The following TNS1 variants were observed in gnomAD, a reference collection of about 807,000 sequenced individuals.
The protein encoded by TNS1 is tensin-1.
In TNS1, 62 loss-of-function variants were observed where a neutral mutation model predicts 168.6. The ratio of observed to expected loss-of-function variants is 0.37; its 90% CI spans 0.30 to 0.45. The LOEUF is 0.45. Ranked by LOEUF, TNS1 falls within the 20% of genes least tolerant of loss-of-function variation. TNS1 has a pLI of 1.00. For synonymous variants in TNS1, 934 were observed against 933.2 expected (o/e 1.00, Z -0.02); for missense variants, 2,240 against 2,339.4 (o/e 0.96, Z 0.88).
At chr2:217,850,059 G>A (rs1197848924) in intron 18 of TNS1, 29 of 985,370 alleles carry the variant, frequency 2.9e-5, no homozygotes, top group Non-Finnish European at 3.5e-5. Flanking sequence ...CACTCCTGAT[G>A]GACCCCTACC....
chr2:217,916,492 C>A (rs992157992), intron 4 of TNS1, among the ~76,000 whole-genome samples: 3 of 152,192 alleles, frequency 2.0e-5, no homozygotes, highest in African/African-American at 4.8e-5. Context: ...TTGAAAAATT[C>A]TTTTGACTTA....
upstream of TNS1, among the ~76,000 whole-genome samples, chr2:218,011,781 G>T (rs193271261): frequency 4.3e-3 from 655 of 152,246 alleles, 4 homozygotes; most frequent in African/African-American, 0.014. Context: ...ATTTGGAGGA[G>T]ACTAGCAGGA....
rs369086241 is a variant in TNS1 at position 217,925,553 on chromosome 2, T to A, written c.187-5317A>T. On this transcript the variant is annotated intron_variant, in intron 3 of 32. Coordinates refer to ENST00000682258, the MANE Select transcript of TNS1 (RefSeq NM_001387777.1). ...GCCCCTAGCTTAAACGAGACCCACGTGCATCTGGGCATTCAGCATTTCATA... is the reference window on the plus strand; with the variant it reads ...GCCCCTAGCTTAAACGAGACCCACGAGCATCTGGGCATTCAGCATTTCATA... 2.8e-4 allele frequency among the ~76,000 whole-genome samples: 42 copies of A among 152,374 alleles called. No homozygotes were observed. In the South Asian group the frequency reaches 3.7e-3, roughly 14 times the overall value.
intron 18 of TNS1, chr2:217,849,552 G>A: frequency 1.5e-6 from 1 of 678,922 alleles, no homozygotes; most frequent in Non-Finnish European, 1.8e-6. Context: ...CCAGTTCCTG[G>A]CACGTGATGG....
Position 217,818,607 on chromosome 2 carries a change from G to A in TNS1, c.3725C>T (p.Pro1242Leu), listed in dbSNP as rs139542436. 2.3e-5 allele frequency: 37 copies of A among 1,614,242 alleles called. No homozygotes were observed. The African/African-American group carries it at 2.4e-4, about 10-fold the overall frequency. Residue 1242 changes from proline to leucine, a missense_variant, in exon 24 of 33, where the codon CCG (proline) becomes CTG (leucine). Pro to Leu is a moderately conservative substitution (Grantham distance 98, BLOSUM62 -3). Transcript: ENST00000682258. Reference protein sequence around the residue: ...QRNYQSSSPLPTVGSSYSSPD... With the variant: ...QRNYQSSSPLLTVGSSYSSPD... ...GCTGCTGTAGCTACTGCCCACAGTC[G>A]GGAGAGGAGAAGAGCTCTGGTAGTT...
At position 217,912,136 on chromosome 2, in the gene TNS1, T is replaced by C. The variant is rs567305979; in HGVS notation, c.229-4885A>G. Among the ~76,000 whole-genome samples, 4 of 152,266 alleles carry C rather than the reference T, an allele frequency of 2.6e-5. No homozygotes were observed. In the South Asian group the frequency reaches 8.3e-4, roughly 32 times the overall value. ...GTGGGGCCAGGAGGGGCCTTTCTGCTGGAAGGTTGGGGGGTGGCTGCCAGG... is the reference window on the plus strand; with the variant it reads ...GTGGGGCCAGGAGGGGCCTTTCTGCCGGAAGGTTGGGGGGTGGCTGCCAGG... On this transcript the variant is annotated intron_variant, in intron 4 of 32. Transcript: ENST00000682258.
rs200738017 is a variant in TNS1 at position 217,886,573 on chromosome 2, C to T, written c.940G>A (p.Val314Met). The change falls in exon 13 of 33, where the codon GTG becomes ATG. Residue 314 changes from valine (V) to methionine (M), a missense_variant. Physicochemically the swap from Val to Met is conservative, Grantham distance 21 (BLOSUM62 1). Transcript: ENST00000682258. ...MNNKPLFLHHVIMHGIPNFES... is the reference protein window; with the variant it reads ...MNNKPLFLHHMIMHGIPNFES... ...AAGTTGGGGATGCCGTGCATGATCA[C>T]GTGGTGCAGAAACAAGGGCTTGTTG... 157 of 1,605,808 alleles carry T rather than the reference C, an allele frequency of 9.8e-5. 1 individual carries two copies. The highest frequency in any genetic ancestry group is 1.1e-4 in the East Asian group (5 of 44,698).
chr2:217,937,202 C>T (rs72951918), intron 3 of TNS1: 5 of 366,786 alleles, frequency 1.4e-5, no homozygotes, highest in East Asian at 7.4e-5. Context: ...CTACTCCCCC[C>T]ACTAGATCGT....
rs1404488644 is a variant in TNS1, at chr2:217,817,752, C to T, written c.4580G>A (p.Ser1527Asn). The T allele has an allele frequency of 6.2e-7, 1 of 1,613,230 alleles. No individual in the cohort carries two copies. The highest frequency in any genetic ancestry group is 1.1e-5 in the South Asian group (1 of 91,060). ...SPVASGMSSP[S>N]GGSTVSFSHT... ...GGAGAAGGAGACGGTGCTGCCCCCA[C>T]TGGGACTGGACATGCCGCTGGCGAC... The change falls in exon 24 of 33, where the codon AGT becomes AAT. Residue 1527 changes from serine (S) to asparagine (N), a missense_variant. This residue lies in a region of TNS1 where 2,131 missense variants were observed against 2,171.2 expected (regional missense o/e 0.98). Transcript: ENST00000682258.
intron 3 of TNS1, among the ~76,000 whole-genome samples, chr2:217,975,639 G>A (rs750132): frequency 0.23 from 35,047 of 152,014 alleles, 6,701 homozygotes; most frequent in African/African-American, 0.52. Context: ...GAAATTTCTC[G>A]CATACCTCGT....
At chr2:217,827,204 A>C (rs1195079580) in intron 22 of TNS1, among the ~76,000 whole-genome samples, 1 of 152,190 alleles carries the variant, frequency 6.6e-6, no homozygotes, top group African/African-American at 2.4e-5. Flanking sequence ...GTCAGCGCAC[A>C]AAGTATTATG....
intron 19 of TNS1, among the ~76,000 whole-genome samples, chr2:217,843,422 CA>C (rs554386529): frequency 1.3e-4 from 20 of 151,996 alleles, no homozygotes; most frequent in Admixed American, 1.2e-3. Context: ...CTTATATTTA[CA>C]AAAAAGTTCC....
Position 217,813,262 on chromosome 2 carries a change from C to T in TNS1, c.4907G>A (p.Gly1636Asp), listed in dbSNP as rs560667520. The change falls in exon 27 of 33, where the codon GGC becomes GAC. Residue 1636 changes from glycine to aspartate, a missense_variant. Coordinates refer to ENST00000682258, the MANE Select transcript of TNS1 (RefSeq NM_001387777.1). This position sits in a 1 kb window ranked among gnomAD's most constrained non-coding sequence, Gnocchi z 4.0. ...ELVRHFLIET[G>D]PRGVKLKGCP... ...GCCCTTGAGCTTGACTCCTCTGGGG[C>T]CAGTCTCTATCAGAAAATGCCTGAC... The T allele has an allele frequency of 1.9e-5, 30 of 1,601,922 alleles. 1 individual carries two copies. The South Asian group carries it at 2.9e-4, about 16-fold the overall frequency.
At chr2:217,973,387 A>G (rs1394792869) in intron 3 of TNS1, among the ~76,000 whole-genome samples, 3 of 151,394 alleles carry the variant, frequency 2.0e-5, no homozygotes, top group African/African-American at 7.3e-5. Context: ...AAAAAAAAAA[A>G]AAATTGGAAG....
chr2:217,903,512 A>G, intron 6 of TNS1: 1 of 1,470,294 alleles, frequency 6.8e-7, no homozygotes, highest in Non-Finnish European at 9.0e-7. Context: ...ATGGCTTTGA[A>G]CTTCTTCCTG....
At chr2:218,006,194 C>T (rs148852373), upstream of TNS1, among the ~76,000 whole-genome samples, 561 of 152,362 alleles carry the variant, frequency 3.7e-3, 6 homozygotes, top group African/African-American at 0.013. Context: ...GTGGTGCTGG[C>T]CCTGGGGCTG....
chr2:217,956,617 G>A (rs1005668388), intron 3 of TNS1, among the ~76,000 whole-genome samples: 2 of 152,078 alleles, frequency 1.3e-5, no homozygotes, highest in Non-Finnish European at 2.9e-5. Flanking sequence ...TTCTAGGGCT[G>A]CAGTTCTAAA....
chr2:217,905,279 G>A, intron 6 of TNS1: 1 of 353,340 alleles, frequency 2.8e-6, no homozygotes, highest in Non-Finnish European at 5.8e-6. Flanking sequence ...CCCACGCCCA[G>A]GGGAACTCAT....
chr2:217,821,822 G>T lies in TNS1; in HGVS notation c.3490C>A (p.Pro1164Thr), dbSNP rs778953855. 3 of 1,569,692 alleles carry T rather than the reference G, an allele frequency of 1.9e-6. No homozygotes were observed. The highest frequency in any genetic ancestry group is 1.2e-5 in the South Asian group (1 of 84,096). ...CCACCCAGGGTCCCGTTCCTCAGGGGTATCTCATGGCCATAGGCCTGGGTG... is the reference window on the plus strand; with the variant it reads ...CCACCCAGGGTCCCGTTCCTCAGGGTTATCTCATGGCCATAGGCCTGGGTG... The part of the protein sequence containing the change: ...PATQAYGHEI[P>T]LRNGTLGGSF... Residue 1164 changes from proline (P) to threonine (T), a missense_variant, in exon 23 of 33, where the codon CCC (proline) becomes ACC (threonine). Pro to Thr is a conservative substitution (Grantham distance 38). Transcript: ENST00000682258.
Sources: gnomAD v4.1 joint callset for allele counts (sites outside exome capture counted in the v4.1 genomes callset) on GRCh38, gnomAD v4.1.1 for gene constraint, gnomAD v4.1.1 regional missense constraint, Gnocchi (gnomAD v3.1) non-coding constraint, MANE v1.5 for transcripts, NCBI Gene and HGNC (gene_info 2026-07-23, HGNC 2026-07-21) for gene names.